FHIP2A: variants seen among roughly 807,000 people sequenced by gnomAD.
FHIP2A encodes the protein FHF complex subunit HOOK interacting protein 2A.
Under a neutral mutation model 93.5 loss-of-function variants are expected in FHIP2A, and 46 were observed. The observed-to-expected ratio is 0.49, with a 90% CI of 0.39 to 0.63. The LOEUF (loss-of-function observed/expected upper bound fraction) is 0.63. Ranked by LOEUF, FHIP2A falls within the 20% of genes least tolerant of loss-of-function variation. The pLI is 0.00. For missense variants in FHIP2A, 769 were observed against 909.7 expected (o/e 0.85, Z 1.99); for synonymous variants, 332 against 326.5 (o/e 1.02, Z -0.18).
intron 16 of FHIP2A, among the ~76,000 whole-genome samples, chr10:114,894,417 A>T (rs982460306): frequency 2.8e-5 from 4 of 143,274 alleles, no homozygotes; most frequent in African/African-American, 1.1e-4. Context: ...AAAAAAAAAA[A>T]TTAGCCAGGC....
intron 6 of FHIP2A, among the ~76,000 whole-genome samples, chr10:114,843,513 A>G (rs2083682001): frequency 6.6e-6 from 1 of 152,080 alleles, no homozygotes; most frequent in Non-Finnish European, 1.5e-5. Flanking sequence ...CATGTTGACC[A>G]GGCTGGTCTC....
intron 2 of FHIP2A, among the ~76,000 whole-genome samples, chr10:114,831,330 GAAAAC>G (rs1408963852): frequency 6.6e-6 from 1 of 152,166 alleles, no homozygotes; most frequent in African/African-American, 2.4e-5. Context: ...TTAGGTTAGA[GAAAAC>G]CTCATTGCCC....
intron 13 of FHIP2A, among the ~76,000 whole-genome samples, chr10:114,850,119 G>A (rs1434637111): frequency 6.6e-6 from 1 of 152,108 alleles, no homozygotes; most frequent in Non-Finnish European, 1.5e-5. Flanking sequence ...TTGGGTATAT[G>A]CTTAGTAGTA....
At chr10:114,867,208 C>CAA (rs11392511), downstream of FHIP2A, among the ~76,000 whole-genome samples, 242 of 123,764 alleles carry the variant, frequency 2.0e-3, no homozygotes, top group African/African-American at 5.7e-3. Flanking sequence ...GACTCCATCT[C>CAA]AAAAAAAAAA....
At chr10:114,871,426 G>A (rs568163390) in intron 16 of FHIP2A, among the ~76,000 whole-genome samples, 1 of 152,174 alleles carries the variant, frequency 6.6e-6, no homozygotes, top group Non-Finnish European at 1.5e-5. Flanking sequence ...CATTTCTAGG[G>A]CCCTGGCCCT....
rs755554154 is a variant in FHIP2A at position 114,846,668 on chromosome 10, A to G, written c.1508A>G (p.Tyr503Cys). The change falls in exon 11 of 17, where the codon TAT becomes TGT. Residue 503 changes from tyrosine to cysteine, a missense_variant. Tyr to Cys is a radical substitution (Grantham distance 194, BLOSUM62 -2). Coordinates refer to ENST00000369248, the MANE Select transcript of FHIP2A (RefSeq NM_020940.4). ...CTTGAAGAAAGAAATTATACAGAAT[A>G]TAAACCTTTGTGCCCAGAAGATAAA... ...RNLEERNYTE[Y>C]KPLCPEDKDV... 1.2e-6 allele frequency: 2 copies of G among 1,612,208 alleles called. No homozygotes were observed. The highest frequency in any genetic ancestry group is 1.7e-5 in the Admixed American group (1 of 59,710).
At chr10:114,893,088 C>T (rs535815738) in intron 16 of FHIP2A, among the ~76,000 whole-genome samples, 283 of 152,168 alleles carry the variant, frequency 1.9e-3, no homozygotes, top group Non-Finnish European at 3.4e-3. Flanking sequence ...TAAACAAAAC[C>T]ATCTGTTGAT....
intron 16 of FHIP2A, among the ~76,000 whole-genome samples, chr10:114,877,727 C>T (rs1457731534): frequency 6.6e-6 from 1 of 152,160 alleles, no homozygotes; most frequent in African/African-American, 2.4e-5. Flanking sequence ...ATCATGTTTT[C>T]TCCTGCAAAC....
intron 16 of FHIP2A, among the ~76,000 whole-genome samples, chr10:114,874,429 T>G (rs766904878): frequency 1.3e-5 from 2 of 152,262 alleles, no homozygotes; most frequent in African/African-American, 4.8e-5. Flanking sequence ...ATCTCTTTTG[T>G]GCTAAAAATA....
intron 16 of FHIP2A, among the ~76,000 whole-genome samples, chr10:114,889,102 G>A (rs1284856129): frequency 6.6e-6 from 1 of 152,088 alleles, no homozygotes; most frequent in Non-Finnish European, 1.5e-5. Context: ...AGGTAATTTA[G>A]CAATAGGTTT....
intron 1 of FHIP2A, among the ~76,000 whole-genome samples, chr10:114,829,160 TAGGC>T (rs2083593851): frequency 6.6e-6 from 1 of 152,238 alleles, no homozygotes; most frequent in South Asian, 2.1e-4. Context: ...GGGTACTCCA[TAGGC>T]AGGGCAGCCC....
At chr10:114,826,552 A>G (rs570361732) in intron 1 of FHIP2A, among the ~76,000 whole-genome samples, 2 of 152,362 alleles carry the variant, frequency 1.3e-5, no homozygotes, top group East Asian at 1.9e-4. Context: ...TGGTTTAGCC[A>G]GTGAACTCTA....
chr10:114,873,549 G>A (rs190280441), intron 16 of FHIP2A, among the ~76,000 whole-genome samples: 1 of 152,182 alleles, frequency 6.6e-6, no homozygotes, highest in Non-Finnish European at 1.5e-5. Context: ...TGAGGGTAGA[G>A]TATCTGCAAA....
At chr10:114,885,111 C>A (rs982424737) in intron 16 of FHIP2A, among the ~76,000 whole-genome samples, 2 of 151,174 alleles carry the variant, frequency 1.3e-5, no homozygotes, top group Non-Finnish European at 3.0e-5. Context: ...AAAAGGTGAC[C>A]CGGCCTGGCG....
chr10:114,860,767 C>G lies in FHIP2A; in HGVS notation c.1966C>G (p.Gln656Glu). 6.2e-7 allele frequency: 1 copy of G among 1,603,238 alleles called. No homozygotes were observed. The highest frequency in any genetic ancestry group is 2.2e-5 in the East Asian group (1 of 44,828). The change falls in exon 15 of 17, where the codon CAA (glutamine) becomes GAA (glutamate). Residue 656 changes from glutamine (Q) to glutamate (E), a missense_variant. Transcript: ENST00000369248. ...TCCATAGCCATATGATGTAAACTTA[C>G]AAGTAACCTCAGTGTTATCTAGACT... Reference protein sequence around the residue: ...ILDQPYDVNLQVTSVLSRLSL... With the variant: ...ILDQPYDVNLEVTSVLSRLSL...
chr10:114,875,910 G>GAGAA (rs77786368), intron 16 of FHIP2A, among the ~76,000 whole-genome samples: 35,185 of 74,508 alleles, frequency 0.47, 8,316 homozygotes, highest in East Asian at 0.66. Flanking sequence ...AATAAAGAAA[G>GAGAA]AGAAAGAAAG....
At chr10:114,865,740 T>G (rs916167813), downstream of FHIP2A, among the ~76,000 whole-genome samples, 32 of 151,874 alleles carry the variant, frequency 2.1e-4, no homozygotes, top group African/African-American at 7.7e-4. Flanking sequence ...ATTTAAAGAA[T>G]TAACATAAAA....
intron 2 of FHIP2A, among the ~76,000 whole-genome samples, chr10:114,831,946 A>G (rs909368674): frequency 2.6e-5 from 4 of 152,230 alleles, no homozygotes; most frequent in Non-Finnish European, 5.9e-5. Flanking sequence ...TGTTTTCTCC[A>G]TAAGGCTTAG....
At chr10:114,891,107 T>C (rs959893729) in intron 16 of FHIP2A, among the ~76,000 whole-genome samples, 3 of 151,458 alleles carry the variant, frequency 2.0e-5, no homozygotes, top group African/African-American at 7.3e-5. Flanking sequence ...GGTGGGAAGA[T>C]TGCTTGAGTC....
Sources: gnomAD v4.1 joint callset for allele counts (sites outside exome capture counted in the v4.1 genomes callset) on GRCh38, gnomAD v4.1.1 for gene constraint, MANE v1.5 for transcripts, NCBI Gene and HGNC (gene_info 2026-07-23, HGNC 2026-07-21) for gene names.